The following CDH13 variants were observed in gnomAD, a reference collection of about 807,000 sequenced individuals.
CDH13 encodes the protein cadherin 13, also known as cadherin-13.
CDH13 carries 24 observed loss-of-function variants against 63.8 expected under a neutral mutation model. The observed-to-expected ratio is 0.38, with a 90% CI of 0.27 to 0.53. The LOEUF is 0.53. CDH13 is among the 20% of genes least tolerant of loss of function. The pLI is 0.85. For synonymous variants in CDH13, 503 were observed against 355.3 expected (o/e 1.42, Z -4.67); for missense variants, 1,049 against 903.1 (o/e 1.16, Z -2.07).
At chr16:82,776,871 G>A (rs978835147) in intron 1 of CDH13, among the ~76,000 whole-genome samples, 3 of 152,142 alleles carry the variant, frequency 2.0e-5, no homozygotes, top group African/African-American at 7.2e-5. Flanking sequence ...CCAAAGCCCT[G>A]GAAATTCTGG....
intron 8 of CDH13, among the ~76,000 whole-genome samples, chr16:83,667,821 C>T (rs1050691964): frequency 3.9e-5 from 6 of 151,904 alleles, no homozygotes; most frequent in African/African-American, 1.5e-4. Flanking sequence ...CCACACCTGG[C>T]TAATTTTTTA....
In CDH13 at chr16:82,840,617, G is replaced by A. The variant is rs147883940; in HGVS notation, c.46-17745G>A. Among the ~76,000 whole-genome samples, 737 of 151,156 alleles carry A rather than the reference G, an allele frequency of 4.9e-3. 4 individuals are homozygous for A. Among genetic ancestry groups the A allele is most frequent in the Middle Eastern group, 0.01 (3 of 294 alleles). On this transcript the variant is annotated intron_variant, in intron 1 of 13. Coordinates refer to ENST00000567109, the MANE Select transcript of CDH13 (RefSeq NM_001257.5). ...GGAGAATCGCTTAAACTAGGGAGGCGGAGGTTGCAGTGAGCTGAGACCACC... is the reference window on the plus strand; with the variant it reads ...GGAGAATCGCTTAAACTAGGGAGGCAGAGGTTGCAGTGAGCTGAGACCACC...
chr16:83,510,758 C>G (rs1344917295), intron 7 of CDH13, among the ~76,000 whole-genome samples: 3 of 152,194 alleles, frequency 2.0e-5, no homozygotes, highest in African/African-American at 7.2e-5. Context: ...GTTTCTTTCA[C>G]CACCCACCTG....
chr16:83,241,292 C>T (rs1196535918), intron 5 of CDH13, among the ~76,000 whole-genome samples: 1 of 152,204 alleles, frequency 6.6e-6, no homozygotes, highest in Non-Finnish European at 1.5e-5. Flanking sequence ...TTACACTTCA[C>T]TGGGTATGCA....
At chr16:83,019,801 A>G (rs1255610041) in intron 2 of CDH13, among the ~76,000 whole-genome samples, 1 of 147,010 alleles carries the variant, frequency 6.8e-6, no homozygotes. Context: ...CGGCCAGTAA[A>G]CCTTTTCTTA....
intron 3 of CDH13, among the ~76,000 whole-genome samples, chr16:83,052,776 CAAAAAAAAAAA>C (rs71148805): frequency 1.1e-5 from 1 of 92,920 alleles, no homozygotes; most frequent in Non-Finnish European, 2.1e-5. Flanking sequence ...GACTTTATCT[CAAAAAAAAAAA>C]AAAAAAAAAA....
intron 4 of CDH13, chr16:83,180,893 C>T (rs187504312): frequency 7.8e-6 from 12 of 1,531,030 alleles, no homozygotes; most frequent in Admixed American, 2.0e-5. Flanking sequence ...CTATTAACAG[C>T]GAACTTCTCT....
At chr16:83,001,725 C>G (rs542495376) in intron 2 of CDH13, among the ~76,000 whole-genome samples, 37 of 152,246 alleles carry the variant, frequency 2.4e-4, no homozygotes, top group African/African-American at 8.7e-4. Flanking sequence ...TGGCTGTGAC[C>G]CAGAGGACAT....
chr16:83,536,984 C>G (rs2075204077), intron 7 of CDH13, among the ~76,000 whole-genome samples: 1 of 152,162 alleles, frequency 6.6e-6, no homozygotes, highest in African/African-American at 2.4e-5. Context: ...AAGCAGAAGC[C>G]TGGCTCATTT....
chr16:82,896,275 G>GTTTTTTTTTT (rs2041252984), intron 2 of CDH13, among the ~76,000 whole-genome samples: 2 of 73,268 alleles, frequency 2.7e-5, no homozygotes, highest in African/African-American at 5.5e-5. Context: ...CTAGGATTAG[G>GTTTTTTTTTT]ATTTTTTTTT....
chr16:83,018,954 T>A (rs1915077915), intron 2 of CDH13, among the ~76,000 whole-genome samples: 1 of 152,202 alleles, frequency 6.6e-6, no homozygotes, highest in Non-Finnish European at 1.5e-5. Flanking sequence ...GAAGATGCTC[T>A]GGGTGAGTCA....
intron 6 of CDH13, among the ~76,000 whole-genome samples, chr16:83,435,008 T>C (rs765933221): frequency 4.7e-5 from 7 of 148,170 alleles, no homozygotes; most frequent in Non-Finnish European, 7.4e-5. Context: ...TGTATATATA[T>C]ACACACACAC....
chr16:82,891,520 C>T (rs889659993), intron 2 of CDH13, among the ~76,000 whole-genome samples: 3 of 152,154 alleles, frequency 2.0e-5, no homozygotes, highest in Admixed American at 2.0e-4. Flanking sequence ...TGGAAGATCC[C>T]ACCTATTGAG....
chr16:83,525,860 C>G (rs1036691566), intron 7 of CDH13, among the ~76,000 whole-genome samples: 2 of 152,128 alleles, frequency 1.3e-5, no homozygotes, highest in African/African-American at 4.8e-5. Flanking sequence ...ACAACTTTGT[C>G]CAGCACTGCT....
chr16:83,646,118 A>C (rs1911768408), intron 8 of CDH13, among the ~76,000 whole-genome samples: 1 of 152,084 alleles, frequency 6.6e-6, no homozygotes, highest in African/African-American at 2.4e-5. Context: ...ACCATACGTG[A>C]AAGCCACCAG....
intron 4 of CDH13, among the ~76,000 whole-genome samples, chr16:83,215,071 C>CTCTTTTTT (rs2039456351): frequency 7.4e-5 from 1 of 13,442 alleles, no homozygotes; most frequent in Non-Finnish European, 1.7e-4. Context: ...TATCAAACAC[C>CTCTTTTTT]TCTTTTTTTT....
rs147625578 is a variant in CDH13, at chr16:83,438,461, G to T, written c.782-48016G>T. On this transcript the variant is annotated intron_variant, in intron 6 of 13. Transcript: ENST00000567109. Reference sequence around the variant, plus strand: ...CACAGACAATAGCACCTAGGGCAGGGCCCGGTCACAGTTGTCTCTTCATAA... The same window carrying T: ...CACAGACAATAGCACCTAGGGCAGGTCCCGGTCACAGTTGTCTCTTCATAA... 3.6e-3 allele frequency among the ~76,000 whole-genome samples: 543 copies of T among 152,338 alleles called. 7 individuals are homozygous for T. The highest frequency in any genetic ancestry group is 0.013 in the African/African-American group (525 of 41,576).
At chr16:83,653,877 G>A (rs1039930050) in intron 8 of CDH13, among the ~76,000 whole-genome samples, 1 of 152,138 alleles carries the variant, frequency 6.6e-6, no homozygotes, top group Admixed American at 6.5e-5. Context: ...CGCTCAGCAC[G>A]GCGTCATCAG....
chr16:83,723,645 C>T (rs777813367), intron 10 of CDH13, among the ~76,000 whole-genome samples: 11 of 152,220 alleles, frequency 7.2e-5, no homozygotes, highest in African/African-American at 2.2e-4. Flanking sequence ...CCCAATGGGA[C>T]GGCTTTCAGA....
Sources: allele counts gnomAD v4.1 joint callset (sites outside exome capture counted in the v4.1 genomes callset), GRCh38; gene constraint gnomAD v4.1.1; transcripts MANE v1.5; gene names NCBI Gene and HGNC (gene_info 2026-07-23, HGNC 2026-07-21).